Variants in TPM4 observed in about 807,000 individuals in gnomAD.
TPM4 encodes tropomyosin alpha-4 chain.
Under a neutral mutation model 35.8 loss-of-function variants are expected in TPM4, and 17 were observed. That is an observed-to-expected ratio of 0.47 (90% confidence interval 0.32 to 0.71). The LOEUF (loss-of-function observed/expected upper bound fraction) is 0.71. Among genes scored for constraint, TPM4 ranks in the 30% least tolerant of loss-of-function variants. The probability of loss-of-function intolerance (pLI) is 0.03; values close to 1 mark genes in which losing one functional copy is unlikely to be tolerated. For missense variants in TPM4, 240 were observed against 320.9 expected (o/e 0.75, Z 1.93); for synonymous variants, 120 against 122.9 (o/e 0.98, Z 0.15).
intron 7 of TPM4, chr19:16,099,773 A>G (rs2090743204): frequency 6.6e-6 from 1 of 152,140 alleles, no homozygotes; most frequent in Non-Finnish European, 1.5e-5. Context: ...TGTCACGCAT[A>G]GCTCTAAATG....
At chr19:16,071,938 CTG>C (rs1171875192), upstream of TPM4, among the ~76,000 whole-genome samples, 1 of 152,208 alleles carries the variant, frequency 6.6e-6, no homozygotes, top group Non-Finnish European at 1.5e-5. Flanking sequence ...GATAGGGAAA[CTG>C]AGGCTCACAG....
chr19:16,076,090 CAG>C, upstream of TPM4: 1 of 1,600,020 alleles, frequency 6.2e-7, no homozygotes, highest in South Asian at 1.1e-5. Context: ...CTAAAAGGGA[CAG>C]AGGACGAGCT....
chr19:16,095,755 T>TG (rs1418456325), intron 7 of TPM4: 1 of 255,272 alleles, frequency 3.9e-6, no homozygotes, highest in Non-Finnish European at 6.2e-6. Context: ...AATTTTTTTT[T>TG]GTTTTTTTGT....
intron 7 of TPM4, among the ~76,000 whole-genome samples, chr19:16,096,902 C>T (rs978234621): frequency 1.2e-4 from 16 of 136,554 alleles, no homozygotes; most frequent in Non-Finnish European, 2.2e-4. Context: ...CATGCTTTTT[C>T]CTACATGAGG....
At chr19:16,093,791 C>T (rs1390139163) in intron 7 of TPM4, 38 bp downstream of exon 7, 1 of 1,609,510 alleles carries the variant, frequency 6.2e-7, no homozygotes, top group African/African-American at 1.3e-5. Context: ...CTTGCCCTGC[C>T]TTCCCCTCTG....
At chr19:16,076,890 T>C in intron 1 of TPM4, 193 bp downstream of exon 1, 7 of 1,168,710 alleles carry the variant, frequency 6.0e-6, no homozygotes, top group East Asian at 3.6e-5. Flanking sequence ...TCCTCCTTCC[T>C]GGGCCTGGGA....
At chr19:16,098,622 C>T (rs1045125822) in intron 7 of TPM4, among the ~76,000 whole-genome samples, 12 of 151,822 alleles carry the variant, frequency 7.9e-5, no homozygotes, top group African/African-American at 2.9e-4. Context: ...CAAGATGAAG[C>T]GAAGTCAGGA....
At chr19:16,093,333 C>G (rs546736934) in intron 5 of TPM4, among the ~76,000 whole-genome samples, 1 of 151,946 alleles carries the variant, frequency 6.6e-6, no homozygotes, top group East Asian at 1.9e-4. Flanking sequence ...GTAGCTGGGA[C>G]TACAGCTGCA....
chr19:16,095,151 TG>T, intron 7 of TPM4: 3 of 570,460 alleles, frequency 5.3e-6, no homozygotes, highest in Non-Finnish European at 6.8e-6. Context: ...GTGCTTTGTT[TG>T]CTCACGTGTT....
intron 2 of TPM4, among the ~76,000 whole-genome samples, chr19:16,068,150 G>A (rs1259461663): frequency 7.0e-6 from 1 of 143,464 alleles, no homozygotes; most frequent in Admixed American, 7.0e-5. Flanking sequence ...TTTGCCTCTG[G>A]TGTGTGTGTG....
upstream of TPM4, among the ~76,000 whole-genome samples, chr19:16,071,804 G>A (rs1276194034): frequency 3.9e-5 from 6 of 152,250 alleles, no homozygotes; most frequent in South Asian, 4.1e-4. Flanking sequence ...GGCCCAGCCC[G>A]GCCGCTTCCT....
intron 2 of TPM4, among the ~76,000 whole-genome samples, chr19:16,082,975 G>C (rs3786573): frequency 3.7e-5 from 5 of 134,698 alleles, no homozygotes; most frequent in Admixed American, 8.2e-5. Flanking sequence ...CTCAGTGACA[G>C]ATGAGATTCT....
chr19:16,076,945 C>T (rs1285638853), intron 1 of TPM4: 1 of 737,268 alleles, frequency 1.4e-6, no homozygotes, highest in Non-Finnish European at 1.8e-6. Flanking sequence ...GCCGGCCAAG[C>T]GGGAAATGGG....
chr19:16,088,896 T>C, intron 4 of TPM4, 149 bp from the exon 5 acceptor site: 1 of 1,458,606 alleles, frequency 6.9e-7, no homozygotes, highest in Middle Eastern at 1.8e-4. Context: ...TGCAGAAAAA[T>C]CCATTAACAT....
At chr19:16,076,922 C>A in intron 1 of TPM4, 2 of 946,290 alleles carry the variant, frequency 2.1e-6, no homozygotes, top group East Asian at 8.2e-5. Context: ...GCGCCGCCTC[C>A]GGGTCGGGCG....
At chr19:16,094,494 C>T (rs1385731057) in intron 7 of TPM4, among the ~76,000 whole-genome samples, 2 of 151,814 alleles carry the variant, frequency 1.3e-5, no homozygotes, top group East Asian at 3.9e-4. Flanking sequence ...CAAGATCACG[C>T]CACAGCTCTC....
chr19:16,070,662 A>G lies in TPM4; in HGVS notation c.114+2924A>G, dbSNP rs2090347857. Reference sequence around the variant, plus strand: ...GATTAGAGGTGACTGTACAGGTGGAACCCTTGGCCCGGAGCCTAGCTCAGA... The same window carrying G: ...GATTAGAGGTGACTGTACAGGTGGAGCCCTTGGCCCGGAGCCTAGCTCAGA... On this transcript the variant is annotated intron_variant, in intron 2 of 2. Coordinates refer to the TPM4 transcript ENST00000589897. This position sits in a 1 kb window ranked among gnomAD's most constrained non-coding sequence, Gnocchi z 7.4. Among the ~76,000 whole-genome samples the G allele has an allele frequency of 6.6e-6, 1 of 152,174 alleles. No individual in the cohort carries two copies. Among genetic ancestry groups the G allele is most frequent in the African/African-American group, 2.4e-5 (1 of 41,442 alleles).
chr19:16,095,802 G>A (rs777910969), intron 7 of TPM4: 16 of 157,978 alleles, frequency 1.0e-4, no homozygotes, highest in Non-Finnish European at 1.5e-4. Context: ...CCAGGCTGGA[G>A]TGCAGTGACA....
At chr19:16,100,458 C>A (rs1295639989) in intron 7 of TPM4, 1 of 152,210 alleles carries the variant, frequency 6.6e-6, no homozygotes, top group Non-Finnish European at 1.5e-5. Context: ...TTTTATCTTA[C>A]AACTGTGACT....
Sources: gnomAD v4.1 joint callset for allele counts (sites outside exome capture counted in the v4.1 genomes callset) on GRCh38, gnomAD v4.1.1 for gene constraint, Gnocchi (gnomAD v3.1) non-coding constraint, MANE v1.5 for transcripts, NCBI Gene and HGNC (gene_info 2026-07-23, HGNC 2026-07-21) for gene names.